Variants in SMIM36 observed in about 807,000 individuals in gnomAD.
SMIM36 encodes small integral membrane protein 36.
At chr17:55,501,227 A>T (rs373925455) in intron 1 of SMIM36, among the ~76,000 whole-genome samples, 2,835 of 11,256 alleles carry the variant, frequency 0.25, 1,124 homozygotes, top group African/African-American at 0.64. Flanking sequence ...TATATTATAT[A>T]TTATAATATA....
intron 1 of SMIM36, among the ~76,000 whole-genome samples, chr17:55,509,635 C>A (rs927351675): frequency 1.3e-5 from 2 of 152,156 alleles, no homozygotes; most frequent in Non-Finnish European, 2.9e-5. Flanking sequence ...CGGCAAAGAT[C>A]ATATGGCAGG....
the SMIM36 span, among the ~76,000 whole-genome samples, chr17:55,524,311 T>A: frequency 4.6e-5 from 7 of 152,348 alleles, no homozygotes; most frequent in East Asian, 1.2e-3. Context: ...ATTTTCTTTA[T>A]GTAATCTGTC....
rs796139827 is a variant in SMIM36 at position 55,500,824 on chromosome 17, T to A, written c.*174+10055A>T. Among the ~76,000 whole-genome samples the A allele has an allele frequency of 3.9e-3, 83 of 21,388 alleles. 23 individuals carry two copies. Among genetic ancestry groups the A allele is most frequent in the South Asian group, 6.4e-3 (3 of 470 alleles). 14.0% of individuals were successfully genotyped at this position (21,388 alleles called of 152,430 possible). On this transcript the variant is annotated intron_variant, in intron 1 of 4. Transcript: ENST00000636752. ...ATAATATATTATAATATATTATATT[T>A]TATAATATATATTATAATATATTAT...
intron 1 of SMIM36, among the ~76,000 whole-genome samples, chr17:55,510,123 A>G (rs8078010): frequency 0.7 from 106,424 of 151,782 alleles, 38,958 homozygotes; most frequent in African/African-American, 0.92. Flanking sequence ...TATCCCTGAG[A>G]CACAGAGGTG....
intron 2 of SMIM36, 128 bp downstream of exon 2, chr17:55,479,332 C>T (rs897655020): frequency 3.3e-5 from 5 of 152,232 alleles, no homozygotes; most frequent in Non-Finnish European, 7.3e-5. Flanking sequence ...CGCCTATCAT[C>T]CTAGCACTTT....
At chr17:55,461,639 A>G (rs745599221) in intron 4 of SMIM36, among the ~76,000 whole-genome samples, 107 of 152,350 alleles carry the variant, frequency 7.0e-4, no homozygotes, top group Non-Finnish European at 1.4e-3. Context: ...AAGAAAAAAC[A>G]TAAGTAAATT....
upstream of SMIM36, among the ~76,000 whole-genome samples, chr17:55,513,391 A>T (rs1598460719): frequency 6.6e-6 from 1 of 152,334 alleles, no homozygotes; most frequent in African/African-American, 2.4e-5. Flanking sequence ...GATTCAGAGA[A>T]TTAATTTTGT....
the SMIM36 span, among the ~76,000 whole-genome samples, chr17:55,521,371 A>G: frequency 1.3e-5 from 2 of 152,230 alleles, no homozygotes; most frequent in Non-Finnish European, 2.9e-5. Flanking sequence ...GGGATAACAA[A>G]TGTGATCACT....
At chr17:55,466,455 C>A (rs1341501920) in intron 4 of SMIM36, among the ~76,000 whole-genome samples, 1 of 151,902 alleles carries the variant, frequency 6.6e-6, no homozygotes, top group Non-Finnish European at 1.5e-5. Context: ...AAGCAGGGGT[C>A]CATGATAAAT....
chr17:55,515,237 T>C (rs1910253800), upstream of SMIM36, among the ~76,000 whole-genome samples: 1 of 151,926 alleles, frequency 6.6e-6, no homozygotes, highest in South Asian at 2.1e-4. Flanking sequence ...TTTTCAAAAG[T>C]CCACTTGTCC....
intron 3 of SMIM36, among the ~76,000 whole-genome samples, chr17:55,473,632 C>G (rs537021855): frequency 6.6e-6 from 1 of 152,246 alleles, no homozygotes; most frequent in East Asian, 1.9e-4. Context: ...AAAAACACGC[C>G]TCACCAAACT....
At chr17:55,483,753 C>G (rs1324039807) in intron 1 of SMIM36, among the ~76,000 whole-genome samples, 1 of 152,150 alleles carries the variant, frequency 6.6e-6, no homozygotes, top group Non-Finnish European at 1.5e-5. Context: ...CAAGCCTCAG[C>G]CTCCTGAATA....
chr17:55,521,134 A>G, the SMIM36 span, among the ~76,000 whole-genome samples: 1 of 150,810 alleles, frequency 6.6e-6, no homozygotes, highest in Admixed American at 6.6e-5. Flanking sequence ...TTGCATCTCA[A>G]AAAAAAAAAT....
At chr17:55,514,814 T>C (rs1010943766), upstream of SMIM36, among the ~76,000 whole-genome samples, 2 of 152,198 alleles carry the variant, frequency 1.3e-5, no homozygotes, top group Non-Finnish European at 2.9e-5. Flanking sequence ...CATATTTTTG[T>C]ATATCAACTA....
intron 3 of SMIM36, among the ~76,000 whole-genome samples, chr17:55,474,570 C>T (rs1052779028): frequency 6.6e-6 from 1 of 152,106 alleles, no homozygotes; most frequent in African/African-American, 2.4e-5. Flanking sequence ...ACGGCATGCC[C>T]GTATCGGCAC....
At chr17:55,454,513 A>G (rs1042673393) in intron 4 of SMIM36, among the ~76,000 whole-genome samples, 2 of 152,250 alleles carry the variant, frequency 1.3e-5, no homozygotes. Flanking sequence ...ATAGATCAAC[A>G]GAAAGTAAAA....
the SMIM36 span, among the ~76,000 whole-genome samples, chr17:55,531,486 T>A: frequency 6.6e-6 from 1 of 152,220 alleles, no homozygotes; most frequent in Non-Finnish European, 1.5e-5. Flanking sequence ...ATTCCTACTG[T>A]GGCCCTACCC....
At chr17:55,487,617 G>C (rs1040269347) in intron 1 of SMIM36, among the ~76,000 whole-genome samples, 15 of 152,160 alleles carry the variant, frequency 9.9e-5, no homozygotes, top group Admixed American at 7.2e-4. Context: ...AATGAAGCTT[G>C]AATATATGGG....
chr17:55,475,241 C>G (rs2143266554), intron 3 of SMIM36, among the ~76,000 whole-genome samples: 1 of 152,296 alleles, frequency 6.6e-6, no homozygotes, highest in Middle Eastern at 3.4e-3. Context: ...TTCTCCAAAC[C>G]ATCGTAGCGG....
Sources: allele counts gnomAD v4.1 joint callset (sites outside exome capture counted in the v4.1 genomes callset), GRCh38; gene constraint gnomAD v4.1.1; transcripts MANE v1.5; gene names NCBI Gene and HGNC (gene_info 2026-07-23, HGNC 2026-07-21).